NKD1: variants seen among roughly 807,000 people sequenced by gnomAD.
NKD1 encodes the protein protein naked cuticle homolog 1.
Under a neutral mutation model 56.0 loss-of-function variants are expected in NKD1, and 21 were observed. The observed-to-expected ratio is 0.38, with a 90% CI of 0.27 to 0.54. The LOEUF (loss-of-function observed/expected upper bound fraction) is 0.54, where lower values mean the gene tolerates loss of function less well. Among genes scored for constraint, NKD1 ranks in the 20% least tolerant of loss-of-function variants. The pLI is 0.82. For missense variants in NKD1, 578 were observed against 642.7 expected (o/e 0.90, Z 1.09); for synonymous variants, 263 against 265.7 (o/e 0.99, Z 0.10).
chr16:50,575,011 A>T (rs1213172986), intron 3 of NKD1: 1 of 985,176 alleles, frequency 1.0e-6, no homozygotes, highest in Non-Finnish European at 1.2e-6. Flanking sequence ...TTGATTTAAT[A>T]CAGCTTGAAT....
chr16:50,578,197 A>G (rs80279569), intron 3 of NKD1, among the ~76,000 whole-genome samples: 2,325 of 152,166 alleles, frequency 0.015, 36 homozygotes, highest in Non-Finnish European at 0.02. Flanking sequence ...GGGGAATAAG[A>G]GAGTAGAAAA....
At chr16:50,590,220 CA>C (rs575688105) in intron 3 of NKD1, among the ~76,000 whole-genome samples, 124 of 152,238 alleles carry the variant, frequency 8.1e-4, no homozygotes, top group African/African-American at 2.8e-3. Flanking sequence ...GGAGGAGGCC[CA>C]ACCTTTTCCA....
chr16:50,568,840 T>G (rs1960820938), intron 3 of NKD1, among the ~76,000 whole-genome samples: 1 of 152,182 alleles, frequency 6.6e-6, no homozygotes, highest in South Asian at 2.1e-4. Context: ...GACTGGGTGC[T>G]TCTCTCCCCC....
rs1173260762 is a variant in NKD1 at position 50,639,214 on chromosome 16, T to G, written c.*5433T>G. 6.6e-6 allele frequency: 1 copy of G among 152,050 alleles called. No homozygotes were observed. The highest frequency in any genetic ancestry group is 1.5e-5 in the Non-Finnish European group (1 of 68,012). 9.4% of individuals were successfully genotyped at this position (152,050 alleles called of 1,614,324 possible). Reference sequence around the variant, plus strand: ...CAGCCCAGCTAAGCCCCTAGAGCCTTGCAATTTCCCCCAAATGACCTCAGA... The same window carrying G: ...CAGCCCAGCTAAGCCCCTAGAGCCTGGCAATTTCCCCCAAATGACCTCAGA... On this transcript the variant is annotated 3_prime_UTR_variant, in exon 10 of 10. Coordinates refer to ENST00000268459, the MANE Select transcript of NKD1 (RefSeq NM_033119.5).
At chr16:50,570,305 A>T (rs1960853394) in intron 3 of NKD1, among the ~76,000 whole-genome samples, 1 of 152,188 alleles carries the variant, frequency 6.6e-6, no homozygotes, top group African/African-American at 2.4e-5. Flanking sequence ...AAGGAGGCAG[A>T]AATTGGTTCT....
chr16:50,566,272 A>G (rs934973013), intron 3 of NKD1: 7 of 665,148 alleles, frequency 1.1e-5, no homozygotes, highest in Middle Eastern at 7.4e-4. Flanking sequence ...ACCAGCCCAA[A>G]CTATGTCCCA....
rs758111976 is a variant in NKD1 at position 50,632,327 on chromosome 16, T to C, written c.742T>C (p.Cys248Arg). ...GGAGCAGTCTGGCTGCTACCACCAT[T>C]GCGTAGATGAGAACATCGAGAGGAG... ...RLEQSGCYHH[C>R]VDENIERRNH... The change falls in exon 9 of 10, where the codon TGC becomes CGC. Residue 248 changes from cysteine to arginine, a missense_variant. Transcript: ENST00000268459. The surrounding 1 kb of genome is among the most constrained non-coding windows in gnomAD (Gnocchi z 4.1). 1 of 1,614,042 alleles carries C rather than the reference T, an allele frequency of 6.2e-7. No individual in the cohort carries two copies. The highest frequency in any genetic ancestry group is 2.2e-5 in the East Asian group (1 of 44,874).
chr16:50,631,335 A>G (rs1269924600), intron 8 of NKD1, among the ~76,000 whole-genome samples: 1 of 152,168 alleles, frequency 6.6e-6, no homozygotes, highest in Non-Finnish European at 1.5e-5. Context: ...AATGGTGGAT[A>G]AGGAATTATG....
At position 50,648,561 on chromosome 16, in the gene NKD1, C is replaced by T. The variant is rs944956669; in HGVS notation, c.*14780C>T. On this transcript the variant is annotated 3_prime_UTR_variant, in exon 10 of 10. Transcript: ENST00000268459. ...GTTTTTGTGATACTGACACATCCCC[C>T]CTTTCAGAACACCCTCTGCCCTTGG... 2 of 152,246 alleles carry T rather than the reference C, an allele frequency of 1.3e-5. No individual in the cohort carries two copies. Among genetic ancestry groups the T allele is most frequent in the African/African-American group, 4.8e-5 (2 of 41,446 alleles). 9.4% of individuals were successfully genotyped at this position (152,246 alleles called of 1,614,324 possible). A position where few individuals can be genotyped will look rare whatever the true frequency, so the allele number is the denominator to read the frequency against.
At chr16:50,629,929 C>A (rs1033406519) in intron 6 of NKD1, among the ~76,000 whole-genome samples, 1 of 152,196 alleles carries the variant, frequency 6.6e-6, no homozygotes, top group Admixed American at 6.5e-5. Flanking sequence ...TGCGACTGAG[C>A]CCCAGTTGTC....
At chr16:50,611,002 AG>A (rs1961834300) in intron 4 of NKD1, among the ~76,000 whole-genome samples, 1 of 152,140 alleles carries the variant, frequency 6.6e-6, no homozygotes, top group Non-Finnish European at 1.5e-5. Flanking sequence ...AGGACCAGGG[AG>A]GGGTGACCCC....
chr16:50,608,598 C>T, intron 4 of NKD1: 1 of 578,074 alleles, frequency 1.7e-6, no homozygotes, highest in South Asian at 2.0e-5. Flanking sequence ...CATGTCCTGG[C>T]CCTGCACCGG....
At chr16:50,564,315 G>A (rs761337571) in intron 3 of NKD1, among the ~76,000 whole-genome samples, 11 of 152,196 alleles carry the variant, frequency 7.2e-5, no homozygotes, top group East Asian at 3.9e-4. Flanking sequence ...TGCTACTGGC[G>A]TCTCGTCCTC....
At chr16:50,607,346 G>T in intron 3 of NKD1, 1 of 172,794 alleles carries the variant, frequency 5.8e-6, no homozygotes, top group South Asian at 1.3e-4. Context: ...CTGAGGTGTA[G>T]AATTTTTTTT....
chr16:50,574,634 C>A (rs1184914632), intron 3 of NKD1: 2 of 985,284 alleles, frequency 2.0e-6, no homozygotes, highest in Non-Finnish European at 1.2e-6. Flanking sequence ...AGGAGCTGTG[C>A]CTGGGGCGTG....
intron 8 of NKD1, among the ~76,000 whole-genome samples, 191 bp downstream of exon 8, chr16:50,631,101 C>T (rs916253484): frequency 3.3e-5 from 5 of 152,208 alleles, no homozygotes; most frequent in Non-Finnish European, 7.4e-5. Flanking sequence ...TTTTATGGAA[C>T]ACATCTTGGG....
intron 3 of NKD1, among the ~76,000 whole-genome samples, chr16:50,596,656 T>C (rs1169952582): frequency 1.3e-5 from 2 of 152,268 alleles, no homozygotes; most frequent in African/African-American, 2.4e-5. Context: ...AATACAGAGC[T>C]GCATTTGGTG....
chr16:50,603,254 C>T (rs946235523), intron 3 of NKD1, among the ~76,000 whole-genome samples: 2 of 152,174 alleles, frequency 1.3e-5, no homozygotes, highest in Non-Finnish European at 2.9e-5. Flanking sequence ...CTGGGCGTCC[C>T]GACTGCCAGG....
Position 50,640,444 on chromosome 16 carries a change from G to T in NKD1, c.*6663G>T, listed in dbSNP as rs1344370779. On this transcript the variant is annotated 3_prime_UTR_variant, in exon 10 of 10. Coordinates refer to ENST00000268459, the MANE Select transcript of NKD1 (RefSeq NM_033119.5). ...TGGAGCCACCTTAGCTGGTGCCTAG[G>T]CAGAGGGGCAGTCAGCAGTGGTTAT... is the stretch of plus-strand genomic sequence containing the variant. 1 of 152,250 alleles carries T rather than the reference G, an allele frequency of 6.6e-6. No homozygotes were observed. The highest frequency in any genetic ancestry group is 1.5e-5 in the Non-Finnish European group (1 of 68,066). The allele number at this position is 152,250 out of a possible 1,614,324, so 9.4% of individuals were successfully genotyped here.
Sources: allele counts gnomAD v4.1 joint callset (sites outside exome capture counted in the v4.1 genomes callset), GRCh38; gene constraint gnomAD v4.1.1; non-coding constraint Gnocchi (gnomAD v3.1); transcripts MANE v1.5; gene names NCBI Gene and HGNC (gene_info 2026-07-23, HGNC 2026-07-21).